Variants in ZNF831 observed in about 807,000 individuals in gnomAD.
ZNF831 encodes zinc finger protein 831, also known as chromosome 20 open reading frame 174.
ZNF831 carries 59 observed loss-of-function variants against 95.8 expected under a neutral mutation model. The observed-to-expected ratio is 0.62, with a 90% CI of 0.50 to 0.77. The LOEUF is 0.77. Ranked by LOEUF, ZNF831 falls within the 30% of genes least tolerant of loss-of-function variation. The pLI is 0.00. For missense variants in ZNF831, 2,205 were observed against 2,164.0 expected, an observed-to-expected ratio of 1.02 and a Z score of -0.38; for synonymous variants, 961 against 925.5, an observed-to-expected ratio of 1.04 and a Z score of -0.70.
chr20:59,175,470 G>A (rs1293363951), intron 1 of ZNF831, among the ~76,000 whole-genome samples: 1 of 151,478 alleles, frequency 6.6e-6, no homozygotes, highest in African/African-American at 2.4e-5. Context: ...CTCAGATTGG[G>A]TAATTTCCAT....
At chr20:59,234,857 C>T (rs1986914042) in intron 4 of ZNF831, among the ~76,000 whole-genome samples, 1 of 152,094 alleles carries the variant, frequency 6.6e-6, no homozygotes, top group Non-Finnish European at 1.5e-5. Flanking sequence ...ACCTAGTTTC[C>T]CCTATTATTA....
At chr20:59,246,531 T>G (rs560678579) in intron 4 of ZNF831, among the ~76,000 whole-genome samples, 5 of 152,234 alleles carry the variant, frequency 3.3e-5, no homozygotes, top group Non-Finnish European at 5.9e-5. Context: ...TTTTTTATTG[T>G]CTTTTTTCCT....
intron 1 of ZNF831, among the ~76,000 whole-genome samples, chr20:59,185,848 C>A (rs906653413): frequency 2.6e-5 from 4 of 152,200 alleles, no homozygotes; most frequent in Non-Finnish European, 5.9e-5. Flanking sequence ...GGCTTGTACT[C>A]ATCCAGTTTC....
In ZNF831 at chr20:59,194,350, C is replaced by T. The variant is rs755067621; in HGVS notation, c.3331C>T (p.Pro1111Ser). The T allele has an allele frequency of 6.2e-7, 1 of 1,612,884 alleles. No homozygotes were observed. Among genetic ancestry groups the T allele is most frequent in the South Asian group, 1.1e-5 (1 of 91,008 alleles). ...GCTGGGGGAGCCTCCTGGGAATGCC[C>T]CAGAAGATCCTTCTTCAGGGCCCCT... is the stretch of plus-strand genomic sequence containing the variant. ...WELGEPPGNA[P>S]EDPSSGPLVG... The change falls in exon 2 of 6, where the codon CCA becomes TCA. Residue 1111 changes from proline (P) to serine (S), a missense_variant. Coordinates refer to ENST00000371030, the MANE Select transcript of ZNF831 (RefSeq NM_178457.3).
At position 59,191,390 on chromosome 20, in the gene ZNF831, T is replaced by C. The variant is rs2146547099; in HGVS notation, c.371T>C (p.Leu124Pro). 3.1e-6 allele frequency: 5 copies of C among 1,609,722 alleles called. No homozygotes were observed. The highest frequency in any genetic ancestry group is 4.2e-6 in the Non-Finnish European group (5 of 1,178,192). Residue 124 changes from leucine to proline, a missense_variant, in exon 2 of 6, where the codon CTG (leucine) becomes CCG (proline). Transcript: ENST00000371030. ...TVNIVGTLPV[L>P]SPGLGPTLGS... ...AACATCGTGGGCACTCTGCCTGTCC[T>C]GTCGCCGGGCCTGGGCCCCACGCTG...
intron 4 of ZNF831, among the ~76,000 whole-genome samples, chr20:59,228,738 C>T (rs941194599): frequency 3.9e-5 from 6 of 152,158 alleles, no homozygotes; most frequent in Non-Finnish European, 8.8e-5. Flanking sequence ...ATTTTGATAC[C>T]TGCATACAAT....
chr20:59,223,837 C>T (rs891109335), intron 4 of ZNF831, among the ~76,000 whole-genome samples: 2 of 151,836 alleles, frequency 1.3e-5, no homozygotes, highest in African/African-American at 2.4e-5. Flanking sequence ...CATACACGCA[C>T]GGACGTGCAC....
At chr20:59,179,538 A>G (rs374121939) in intron 1 of ZNF831, among the ~76,000 whole-genome samples, 2 of 151,996 alleles carry the variant, frequency 1.3e-5, no homozygotes, top group East Asian at 3.9e-4. Flanking sequence ...CCTCCCTCTA[A>G]AGCTCTGGGT....
At chr20:59,243,743 G>A (rs1453919484) in intron 4 of ZNF831, among the ~76,000 whole-genome samples, 1 of 152,174 alleles carries the variant, frequency 6.6e-6, no homozygotes. Context: ...GCTGAAACAG[G>A]ATAACATCTC....
Position 59,217,342 on chromosome 20 carries a change from TTTA to T in ZNF831, c.4027+10288_4027+10290del, listed in dbSNP as rs1985762091. On this transcript the variant is annotated intron_variant, in intron 4 of 5. Coordinates refer to ENST00000371030, the MANE Select transcript of ZNF831 (RefSeq NM_178457.3). This position sits in a 1 kb window ranked among gnomAD's most constrained non-coding sequence, Gnocchi z 4.4. ...GTCCCTCTGGGTGGGAATACTCTTA[TTTA>T]TGAAGCCATTCTCCTATTAACGAAG... 6.6e-6 allele frequency among the ~76,000 whole-genome samples: 1 copy of T among 152,380 alleles called. No individual in the cohort carries two copies. Among genetic ancestry groups the T allele is most frequent in the East Asian group, 1.9e-4 (1 of 5,190 alleles).
intron 4 of ZNF831, among the ~76,000 whole-genome samples, chr20:59,207,312 C>T (rs1019994579): frequency 6.6e-6 from 1 of 152,196 alleles, no homozygotes; most frequent in Non-Finnish European, 1.5e-5. Flanking sequence ...GCCACCTGTG[C>T]CAAGCTCTGA....
Position 59,192,161 on chromosome 20 carries a change from CG to C in ZNF831, c.1146del (p.Pro383GlnfsTer151). 1 of 1,559,228 alleles carries C rather than the reference CG, an allele frequency of 6.4e-7. No homozygotes were observed. Among genetic ancestry groups the C allele is most frequent in the Non-Finnish European group, 8.6e-7 (1 of 1,158,716 alleles). ...AESEGEGGPG[P>X]GPGVAGAEPG... Reference sequence around the variant, plus strand: ...TCCGAGGGGGAGGGCGGCCCGGGCCCGGGGCCAGGGGTCGCAGGGGCCGAGC... The same window carrying C: ...TCCGAGGGGGAGGGCGGCCCGGGCCCGGGCCAGGGGTCGCAGGGGCCGAGC... On this transcript the variant is annotated frameshift_variant, in exon 2 of 6. Coordinates refer to ENST00000371030, the MANE Select transcript of ZNF831 (RefSeq NM_178457.3). LOFTEE classifies it high-confidence loss of function. The surrounding 1 kb of genome is among the most constrained non-coding windows in gnomAD (Gnocchi z 5.2).
intron 1 of ZNF831, among the ~76,000 whole-genome samples, chr20:59,172,439 A>G (rs1417101770): frequency 2.0e-5 from 3 of 152,178 alleles, no homozygotes; most frequent in African/African-American, 4.8e-5. Flanking sequence ...AAAAAGAGCA[A>G]CCACAGATCT....
intron 4 of ZNF831, among the ~76,000 whole-genome samples, chr20:59,240,523 C>T (rs941970127): frequency 6.6e-6 from 1 of 152,116 alleles, no homozygotes; most frequent in Non-Finnish European, 1.5e-5. Flanking sequence ...TTCTAGGGGC[C>T]GGGCGCGGTG....
intron 2 of ZNF831, among the ~76,000 whole-genome samples, chr20:59,149,136 G>C (rs539533999): frequency 7.2e-5 from 11 of 152,318 alleles, no homozygotes; most frequent in African/African-American, 2.6e-4. Context: ...AGGGCTCTCA[G>C]ACCCCATCCT....
chr20:59,192,453 C>G lies in ZNF831; in HGVS notation c.1434C>G (p.Asp478Glu), dbSNP rs2146565825. 1 of 1,600,324 alleles carries G rather than the reference C, an allele frequency of 6.2e-7. No homozygotes were observed. Among genetic ancestry groups the G allele is most frequent in the African/African-American group, 1.3e-5 (1 of 74,728 alleles). Residue 478 changes from aspartate (D) to glutamate (E), a missense_variant, in exon 2 of 6, where the codon GAC (aspartate) becomes GAG (glutamate). Physicochemically the swap from Asp to Glu is conservative, Grantham distance 45 (BLOSUM62 2). Coordinates refer to ENST00000371030, the MANE Select transcript of ZNF831 (RefSeq NM_178457.3). This position sits in a 1 kb window ranked among gnomAD's most constrained non-coding sequence, Gnocchi z 5.2. ...TGCGCTCCACCTGGACGCCCCCAGACAAGTCTCGGCCCCTCTTCTTCCACT... is the reference window on the plus strand; with the variant it reads ...TGCGCTCCACCTGGACGCCCCCAGAGAAGTCTCGGCCCCTCTTCTTCCACT... ...GPVRSTWTPP[D>E]KSRPLFFHSV... is the part of the protein sequence containing the mutation.
intron 1 of ZNF831, among the ~76,000 whole-genome samples, chr20:59,182,135 G>C (rs1352079851): frequency 2.0e-5 from 3 of 152,098 alleles, no homozygotes; most frequent in Non-Finnish European, 4.4e-5. Flanking sequence ...GCACCTCCCT[G>C]CTGCGTGGAT....
At chr20:59,204,733 G>A (rs752745278) in intron 3 of ZNF831, among the ~76,000 whole-genome samples, 37 of 152,150 alleles carry the variant, frequency 2.4e-4, no homozygotes, top group African/African-American at 1.9e-4. Context: ...AGCCGGGTGC[G>A]GAGGTGCAGC....
intron 3 of ZNF831, 26 bp from the exon 4 acceptor site, chr20:59,206,879 T>C (rs377247893): frequency 1.9e-6 from 3 of 1,608,274 alleles, no homozygotes; most frequent in Admixed American, 1.7e-5. Flanking sequence ...GGCTGGTTAC[T>C]GCAAGCATGC....
Sources: gnomAD v4.1 joint callset for allele counts (sites outside exome capture counted in the v4.1 genomes callset) on GRCh38, gnomAD v4.1.1 for gene constraint, Gnocchi (gnomAD v3.1) non-coding constraint, MANE v1.5 for transcripts, NCBI Gene and HGNC (gene_info 2026-07-23, HGNC 2026-07-21) for gene names.